The following RBM47 variants were observed in gnomAD, a reference collection of about 807,000 sequenced individuals.
The protein encoded by RBM47 is RNA binding motif protein 47.
Under a neutral mutation model 47.1 loss-of-function variants are expected in RBM47, and 21 were observed. The observed-to-expected ratio is 0.45, with a 90% CI of 0.32 to 0.64. RBM47 has a LOEUF of 0.64. RBM47 is among the 30% of genes least tolerant of loss of function. The pLI, the probability that RBM47 is intolerant of heterozygous loss-of-function variation, is 0.05. For missense variants in RBM47, 708 were observed against 870.9 expected, an observed-to-expected ratio of 0.81 and a Z score of 2.35; for synonymous variants, 375 against 361.7, an observed-to-expected ratio of 1.04 and a Z score of -0.42.
intron 2 of RBM47, among the ~76,000 whole-genome samples, chr4:40,477,708 AG>A (rs769007020): frequency 6.6e-6 from 1 of 152,184 alleles, no homozygotes; most frequent in South Asian, 2.1e-4. Flanking sequence ...TTTAAGACTA[AG>A]GGGGTAAGGA....
intron 1 of RBM47, among the ~76,000 whole-genome samples, chr4:40,584,797 G>A (rs1209830141): frequency 1.3e-5 from 2 of 152,116 alleles, no homozygotes; most frequent in South Asian, 2.1e-4. Flanking sequence ...ACTCAGTTGC[G>A]CCAGCCACAT....
Position 40,438,607 on chromosome 4 carries a change from C to A in RBM47, c.287G>T (p.Arg96Leu), listed in dbSNP as rs150976989. ...CATCATGAGGCGCAGCTCGTAGATG[C>A]GGCCCACGGCCTCGAACACGGGCAC... The part of the protein sequence containing the change: ...ELVPVFEAVG[R>L]IYELRLMMDF... Residue 96 changes from arginine to leucine, a missense_variant, in exon 4 of 7, where the codon CGC becomes CTC. Coordinates refer to ENST00000295971, the MANE Select transcript of RBM47 (RefSeq NM_001098634.2). The A allele has an allele frequency of 1.2e-6, 2 of 1,613,646 alleles. No homozygotes were observed. The highest frequency in any genetic ancestry group is 2.2e-5 in the South Asian group (2 of 91,090).
intron 2 of RBM47, among the ~76,000 whole-genome samples, chr4:40,479,065 A>C (rs28691038): frequency 5.9e-4 from 90 of 152,380 alleles, no homozygotes; most frequent in Middle Eastern, 3.4e-3. Flanking sequence ...TGGTGGTATC[A>C]GCAATAATAG....
chr4:40,572,592 A>G (rs992517239), intron 1 of RBM47, among the ~76,000 whole-genome samples: 2 of 151,796 alleles, frequency 1.3e-5, no homozygotes, highest in African/African-American at 2.4e-5. Flanking sequence ...TATTTGAACA[A>G]AACAACAACT....
At chr4:40,581,370 C>T (rs1380591829) in intron 1 of RBM47, among the ~76,000 whole-genome samples, 3 of 151,244 alleles carry the variant, frequency 2.0e-5, no homozygotes, top group Non-Finnish European at 2.9e-5. Context: ...TGCAGTGAGC[C>T]GAGCTCACAC....
At chr4:40,551,655 T>C (rs552123219) in intron 1 of RBM47, among the ~76,000 whole-genome samples, 67 of 151,014 alleles carry the variant, frequency 4.4e-4, no homozygotes, top group African/African-American at 1.5e-3. Flanking sequence ...TTTTCTTTTT[T>C]TTTTTTTTTT....
At position 40,486,730 on chromosome 4, in the gene RBM47, G is replaced by A. The variant is rs373368751; in HGVS notation, c.-154-20031C>T. Among the ~76,000 whole-genome samples, 31 of 152,346 alleles carry A rather than the reference G, an allele frequency of 2.0e-4. No individual in the cohort carries two copies. In the South Asian group the frequency reaches 6.0e-3, roughly 30 times the overall value. On this transcript the variant is annotated intron_variant, in intron 2 of 6. Coordinates refer to ENST00000295971, the MANE Select transcript of RBM47 (RefSeq NM_001098634.2). Reference sequence around the variant, plus strand: ...GAGGGCACATGGATTGAGCAACCTTGACTGTGATTCCCATAAATTTAGAAG... The same window carrying A: ...GAGGGCACATGGATTGAGCAACCTTAACTGTGATTCCCATAAATTTAGAAG...
At chr4:40,502,846 G>GA (rs142587946) in intron 2 of RBM47, among the ~76,000 whole-genome samples, 1,960 of 151,366 alleles carry the variant, frequency 0.013, 36 homozygotes, top group East Asian at 0.075. Context: ...AACCCTGTCC[G>GA]AAAAAAAAGA....
At chr4:40,428,555 G>A (rs1169888416) in intron 6 of RBM47, among the ~76,000 whole-genome samples, 7 of 152,242 alleles carry the variant, frequency 4.6e-5, no homozygotes, top group African/African-American at 1.4e-4. Context: ...ATGTGTGGAC[G>A]TAGGTTTAAT....
chr4:40,494,930 C>T (rs1453657024), intron 2 of RBM47, among the ~76,000 whole-genome samples: 1 of 152,036 alleles, frequency 6.6e-6, no homozygotes, highest in Admixed American at 6.6e-5. Flanking sequence ...TAAATATAAT[C>T]TGATGCATTC....
chr4:40,541,263 C>CAA (rs113154815), intron 2 of RBM47, among the ~76,000 whole-genome samples: 13 of 110,796 alleles, frequency 1.2e-4, no homozygotes, highest in South Asian at 2.9e-4. Context: ...AAGATTCTCT[C>CAA]AAAAAAAAAA....
At chr4:40,600,999 A>AAAAAAAAAAAAAAAAAGAAAG (rs1338188731) in intron 1 of RBM47, among the ~76,000 whole-genome samples, 1 of 147,282 alleles carries the variant, frequency 6.8e-6, no homozygotes, top group African/African-American at 2.6e-5. Context: ...AAAAAAAAAA[A>AAAAAAAAAAAAAAAAAGAAAG]AAAGAAAGAA....
At chr4:40,573,296 G>A (rs1027760218) in intron 1 of RBM47, among the ~76,000 whole-genome samples, 6 of 151,792 alleles carry the variant, frequency 4.0e-5, no homozygotes, top group Non-Finnish European at 7.4e-5. Flanking sequence ...CCTGGTACTG[G>A]GACTGCAGGT....
intron 2 of RBM47, among the ~76,000 whole-genome samples, chr4:40,508,501 A>G (rs888624722): frequency 2.0e-5 from 3 of 152,340 alleles, no homozygotes; most frequent in Non-Finnish European, 2.9e-5. Context: ...TGTTCTTACA[A>G]AGGAATACTA....
intron 5 of RBM47, among the ~76,000 whole-genome samples, chr4:40,435,879 C>T (rs1712251239): frequency 6.6e-6 from 1 of 151,770 alleles, no homozygotes. Flanking sequence ...TACTGCATGG[C>T]CAGGCGCAGT....
chr4:40,624,005 C>T (rs1284641383), intron 1 of RBM47, among the ~76,000 whole-genome samples: 1 of 152,294 alleles, frequency 6.6e-6, no homozygotes, highest in East Asian at 1.9e-4. Flanking sequence ...GCGTGTACCA[C>T]CACGCCTGGC....
At chr4:40,446,812 T>C (rs1037931657) in intron 3 of RBM47, among the ~76,000 whole-genome samples, 1 of 151,470 alleles carries the variant, frequency 6.6e-6, no homozygotes, top group Non-Finnish European at 1.5e-5. Flanking sequence ...GGGAAGAATC[T>C]TGCCCCATGT....
intron 2 of RBM47, among the ~76,000 whole-genome samples, chr4:40,480,456 C>T (rs1052646433): frequency 3.9e-5 from 6 of 152,194 alleles, no homozygotes; most frequent in Admixed American, 3.3e-4. Context: ...AGCTACCTCT[C>T]TACCTACCTA....
intron 1 of RBM47, among the ~76,000 whole-genome samples, chr4:40,563,612 C>A (rs1168532661): frequency 7.2e-5 from 11 of 152,226 alleles, no homozygotes; most frequent in African/African-American, 2.7e-4. Context: ...GCCTTTCCCA[C>A]TGCACACATG....
Sources: gnomAD v4.1 joint callset for allele counts (sites outside exome capture counted in the v4.1 genomes callset) on GRCh38, gnomAD v4.1.1 for gene constraint, MANE v1.5 for transcripts, NCBI Gene and HGNC (gene_info 2026-07-23, HGNC 2026-07-21) for gene names.